GREB1: variants seen among roughly 807,000 people sequenced by gnomAD.
GREB1 encodes the protein protein GREB1.
GREB1 carries 106 observed loss-of-function variants against 200.7 expected under a neutral mutation model. That is an observed-to-expected ratio of 0.53 (90% confidence interval 0.45 to 0.62). GREB1 has a LOEUF of 0.62. Among genes scored for constraint, GREB1 ranks in the 20% least tolerant of loss-of-function variants. The probability of loss-of-function intolerance (pLI) is 0.00; values close to 1 mark genes in which losing one functional copy is unlikely to be tolerated. For synonymous variants in GREB1, 1,132 were observed against 1,092.4 expected, an observed-to-expected ratio of 1.04 and a Z score of -0.72; for missense variants, 2,243 against 2,556.8, an observed-to-expected ratio of 0.88 and a Z score of 2.65.
intron 1 of GREB1, among the ~76,000 whole-genome samples, chr2:11,551,445 T>C (rs1297583966): frequency 6.6e-6 from 1 of 152,258 alleles, no homozygotes; most frequent in African/African-American, 2.4e-5. Context: ...TCTGATTGAC[T>C]GGCATTATCT....
At chr2:11,529,253 C>A (rs1028806318), upstream of GREB1, among the ~76,000 whole-genome samples, 2 of 152,166 alleles carry the variant, frequency 1.3e-5, no homozygotes, top group African/African-American at 4.8e-5. Flanking sequence ...ATATGACTAT[C>A]CACAGAAGGT....
Position 11,600,871 on chromosome 2 carries a change from G to C in GREB1, c.2405G>C (p.Arg802Thr). Residue 802 changes from arginine to threonine, a missense_variant, in exon 16 of 33, where the codon AGG (arginine) becomes ACG (threonine). This residue lies in a region of GREB1 where 1,178 missense variants were observed against 1,387.4 expected (regional missense o/e 0.85). Coordinates refer to ENST00000381486, the MANE Select transcript of GREB1 (RefSeq NM_014668.4). ...TTGGTGGACCGATTGCTCAACTGCA[G>C]GGAGGTGAAGGAGGCCCCCAACATT... ...VGLVDRLLNC[R>T]EVKEAPNIVT... The C allele has an allele frequency of 1.2e-6, 2 of 1,614,162 alleles. No homozygotes were observed. Among genetic ancestry groups the C allele is most frequent in the Non-Finnish European group, 1.7e-6 (2 of 1,180,000 alleles).
rs375449920 is a variant in GREB1 at position 11,630,020 on chromosome 2, A to G, written c.4522A>G (p.Ile1508Val). ...AGGAGAGGAGATCCAGCTGCACTTC[A>G]TCATCCCCAAGTCCAAGGAGCACCA... Reference protein sequence around the residue: ...MLGEEIQLHFIIPKSKEHHFV... With the variant: ...MLGEEIQLHFVIPKSKEHHFV... Residue 1508 changes from isoleucine (I) to valine (V), a missense_variant, in exon 26 of 33, where the codon ATC (isoleucine) becomes GTC (valine). Physicochemically the swap from Ile to Val is conservative, Grantham distance 29 (BLOSUM62 3). This residue lies in a region of GREB1 where 478 missense variants were observed against 616.3 expected (regional missense o/e 0.78). Coordinates refer to ENST00000381486, the MANE Select transcript of GREB1 (RefSeq NM_014668.4). 97 of 1,614,014 alleles carry G rather than the reference A, an allele frequency of 6.0e-5. No individual in the cohort carries two copies. Among genetic ancestry groups the G allele is most frequent in the Middle Eastern group, 1.6e-4 (1 of 6,084 alleles).
intron 1 of GREB1, among the ~76,000 whole-genome samples, chr2:11,544,626 A>G (rs1027127483): frequency 6.6e-6 from 1 of 152,150 alleles, no homozygotes; most frequent in African/African-American, 2.4e-5. Context: ...CAGGGCAAGA[A>G]TGTTTTCCTT....
chr2:11,496,949 A>G (rs759471154), intron 1 of GREB1, among the ~76,000 whole-genome samples: 43 of 152,182 alleles, frequency 2.8e-4, no homozygotes, highest in South Asian at 8.3e-4. Flanking sequence ...TCGAACTGTC[A>G]TGCCTGGCTA....
At chr2:11,555,639 G>C (rs553862210) in intron 1 of GREB1, among the ~76,000 whole-genome samples, 1 of 152,124 alleles carries the variant, frequency 6.6e-6, no homozygotes, top group Non-Finnish European at 1.5e-5. Flanking sequence ...AAAAGACCTC[G>C]TACTGAATGA....
chr2:11,500,916 A>G (rs1673020608), intron 1 of GREB1, among the ~76,000 whole-genome samples: 1 of 152,204 alleles, frequency 6.6e-6, no homozygotes. Flanking sequence ...GGCAAACTGC[A>G]GTTGGGTTAA....
intron 18 of GREB1, chr2:11,612,284 T>C: frequency 7.9e-7 from 1 of 1,273,700 alleles, no homozygotes; most frequent in Non-Finnish European, 1.0e-6. Context: ...TTGGACATGC[T>C]CTGGCTGGCT....
intron 10 of GREB1, chr2:11,592,177 T>G (rs991848683): frequency 5.8e-6 from 4 of 690,288 alleles, no homozygotes; most frequent in Non-Finnish European, 7.1e-6. Context: ...GGCTTCCTAC[T>G]TTTTTTTTTC....
intron 1 of GREB1, chr2:11,540,543 A>G (rs1481887624): frequency 6.5e-6 from 1 of 154,336 alleles, no homozygotes; most frequent in Non-Finnish European, 1.5e-5. Flanking sequence ...ATATTCTCCA[A>G]AGAAACACTC....
rs958633171 is a variant in GREB1 at position 11,493,662 on chromosome 2, T to C, written c.-159+11281T>C. ...TACAGTATGTTATACTGAGCCAGTA[T>C]TAATGCAACCTTATGTTTTTGAAGG... On this transcript the variant is annotated intron_variant, in intron 1 of 2. Transcript: ENST00000628795. The surrounding 1 kb of genome is among the most constrained non-coding windows in gnomAD (Gnocchi z 4.6). 1.1e-4 allele frequency among the ~76,000 whole-genome samples: 16 copies of C among 152,214 alleles called. No individual in the cohort carries two copies. The East Asian group carries it at 3.1e-3, about 29-fold the overall frequency.
intron 1 of GREB1, among the ~76,000 whole-genome samples, chr2:11,551,739 C>T (rs917354230): frequency 5.9e-5 from 9 of 152,138 alleles, no homozygotes; most frequent in South Asian, 4.1e-4. Context: ...GCGCTCCCAC[C>T]GCCGCAGCCC....
At chr2:11,504,416 A>C (rs1157318603) in intron 1 of GREB1, among the ~76,000 whole-genome samples, 1 of 152,248 alleles carries the variant, frequency 6.6e-6, no homozygotes, top group Non-Finnish European at 1.5e-5. Context: ...AATTCACATA[A>C]CAGAAAACTC....
chr2:11,592,184 TTTC>T, intron 10 of GREB1: 15 of 660,826 alleles, frequency 2.3e-5, no homozygotes, highest in Non-Finnish European at 2.4e-5. Flanking sequence ...TACTTTTTTT[TTTC>T]TTTTTTTTTT....
chr2:11,561,716 C>T (rs60729705), intron 2 of GREB1: 8,211 of 152,198 alleles, frequency 0.054, 765 homozygotes, highest in African/African-American at 0.19. Context: ...TAACCAGGCC[C>T]GACCCTGCTT....
In GREB1 at chr2:11,629,888, G is replaced by T. The variant is rs902606648; in HGVS notation, c.4450-60G>T. Reference sequence around the variant, plus strand: ...GTTGTCACAGCAGAGTGGGCCTGGGGTCTTCTGGGAAGCAGGCCGGACTCT... The same window carrying T: ...GTTGTCACAGCAGAGTGGGCCTGGGTTCTTCTGGGAAGCAGGCCGGACTCT... On this transcript the variant is annotated intron_variant, in intron 25 of 32. Transcript: ENST00000381486. The surrounding 1 kb of genome is among the most constrained non-coding windows in gnomAD (Gnocchi z 5.2). 18 of 1,549,938 alleles carry T rather than the reference G, an allele frequency of 1.2e-5. No homozygotes were observed. In the African/African-American group the frequency reaches 2.0e-4, roughly 17 times the overall value.
intron 1 of GREB1, among the ~76,000 whole-genome samples, chr2:11,546,724 C>G (rs1208234921): frequency 1.3e-5 from 2 of 152,178 alleles, no homozygotes; most frequent in Admixed American, 1.3e-4. Flanking sequence ...CCCTGCTCTG[C>G]TCAGGAGCGC....
At chr2:11,632,618 G>A (rs1176948221) in intron 27 of GREB1, among the ~76,000 whole-genome samples, 3 of 152,186 alleles carry the variant, frequency 2.0e-5, no homozygotes, top group South Asian at 2.1e-4. Context: ...GATTATAGGC[G>A]TGAGCCACTG....
At chr2:11,522,365 C>T (rs1292002764) in intron 1 of GREB1, among the ~76,000 whole-genome samples, 1 of 152,162 alleles carries the variant, frequency 6.6e-6, no homozygotes, top group Non-Finnish European at 1.5e-5. Context: ...CAACCTCCAG[C>T]ATAAATGGGT....
Sources: allele counts gnomAD v4.1 joint callset (sites outside exome capture counted in the v4.1 genomes callset), GRCh38; gene constraint gnomAD v4.1.1; regional missense constraint gnomAD v4.1.1; non-coding constraint Gnocchi (gnomAD v3.1); transcripts MANE v1.5; gene names NCBI Gene and HGNC (gene_info 2026-07-23, HGNC 2026-07-21).